SNX29: variants seen among roughly 807,000 people sequenced by gnomAD.
The protein encoded by SNX29 is sorting nexin-29.
Under a neutral mutation model 102.1 loss-of-function variants are expected in SNX29, and 78 were observed. That is an observed-to-expected ratio of 0.76 (90% confidence interval 0.64 to 0.92). The LOEUF (loss-of-function observed/expected upper bound fraction) is 0.92. SNX29 is among the 40% of genes least tolerant of loss of function. The pLI, the probability that SNX29 is intolerant of heterozygous loss-of-function variation, is 0.00. For missense variants in SNX29, 1,280 were observed against 1,061.7 expected, an observed-to-expected ratio of 1.21 and a Z score of -2.86; for synonymous variants, 580 against 414.5, an observed-to-expected ratio of 1.40 and a Z score of -4.85.
intron 20 of SNX29, among the ~76,000 whole-genome samples, chr16:12,559,253 G>C (rs1478693458): frequency 6.6e-6 from 1 of 152,030 alleles, no homozygotes; most frequent in Non-Finnish European, 1.5e-5. Flanking sequence ...ATCACCGCCT[G>C]AGCTCTGCCT....
intron 14 of SNX29, among the ~76,000 whole-genome samples, chr16:12,247,420 T>A (rs538809449): frequency 1.3e-5 from 2 of 152,334 alleles, no homozygotes; most frequent in African/African-American, 4.8e-5. Context: ...TCCTCCTGTT[T>A]TTCCCTCAAA....
Position 12,572,788 on chromosome 16 carries a change from C to T in SNX29, c.*4159C>T, listed in dbSNP as rs994593409. ...CCGAGGAAGACCCCACCTCACTCCT[C>T]CTTCCCCAGTACATCAGACTGGTTA... On this transcript the variant is annotated 3_prime_UTR_variant, in exon 21 of 21. Transcript: ENST00000566228. The T allele has an allele frequency of 1.2e-5, 13 of 1,063,688 alleles. No individual in the cohort carries two copies. The highest frequency in any genetic ancestry group is 3.3e-5 in the African/African-American group (2 of 60,986). The allele number at this position is 1,063,688 out of a possible 1,614,324, so 65.9% of individuals were successfully genotyped here. A position where few individuals can be genotyped will look rare whatever the true frequency, so the allele number is the denominator to read the frequency against.
At chr16:12,192,608 C>T (rs1259695280) in intron 13 of SNX29, among the ~76,000 whole-genome samples, 3 of 152,202 alleles carry the variant, frequency 2.0e-5, no homozygotes, top group Non-Finnish European at 2.9e-5. Flanking sequence ...AACTCCTGTG[C>T]TCAAGTGATC....
chr16:12,540,428 A>T (rs186921188), intron 20 of SNX29, among the ~76,000 whole-genome samples: 52 of 152,350 alleles, frequency 3.4e-4, no homozygotes, highest in African/African-American at 1.2e-3. Context: ...TTTATTCTCC[A>T]GCTGCTGTGG....
intron 13 of SNX29, among the ~76,000 whole-genome samples, chr16:12,190,343 C>A (rs1407410156): frequency 6.6e-6 from 1 of 151,954 alleles, no homozygotes; most frequent in African/African-American, 2.4e-5. Flanking sequence ...AAAAATAAGA[C>A]ATGGCCACTG....
intron 13 of SNX29, among the ~76,000 whole-genome samples, chr16:12,166,551 T>C (rs959484637): frequency 6.6e-6 from 1 of 152,226 alleles, no homozygotes; most frequent in Non-Finnish European, 1.5e-5. Context: ...CTCAGTTCAC[T>C]TGGAGCTGAT....
chr16:12,005,372 T>G (rs2056419488), intron 3 of SNX29, among the ~76,000 whole-genome samples: 1 of 152,034 alleles, frequency 6.6e-6, no homozygotes, highest in African/African-American at 2.4e-5. Flanking sequence ...TGTGTATATG[T>G]GCATGAGTGT....
At chr16:12,545,580 C>T (rs1035441434) in intron 20 of SNX29, 3 of 152,152 alleles carry the variant, frequency 2.0e-5, no homozygotes, top group African/African-American at 7.2e-5. Context: ...ATGGAGGAAC[C>T]CATTTCCTCT....
At chr16:12,497,924 G>A (rs1419759849) in intron 19 of SNX29, among the ~76,000 whole-genome samples, 1 of 152,202 alleles carries the variant, frequency 6.6e-6, no homozygotes, top group Non-Finnish European at 1.5e-5. Context: ...GGATGGAGGG[G>A]TGGATAATTT....
At chr16:12,374,971 G>A (rs1198235147) in intron 16 of SNX29, 2 of 152,172 alleles carry the variant, frequency 1.3e-5, no homozygotes, top group East Asian at 1.9e-4. Flanking sequence ...GAAAAAAGAT[G>A]AATGGTGTAA....
At chr16:12,186,493 C>T (rs992186651) in intron 13 of SNX29, among the ~76,000 whole-genome samples, 2 of 152,188 alleles carry the variant, frequency 1.3e-5, no homozygotes, top group African/African-American at 4.8e-5. Context: ...CCTTACACGA[C>T]CGCAGTGTGA....
chr16:12,310,005 C>G (rs1010520390), intron 15 of SNX29, among the ~76,000 whole-genome samples: 1 of 151,618 alleles, frequency 6.6e-6, no homozygotes, highest in African/African-American at 2.4e-5. Context: ...TAAACACAGA[C>G]GTGTGCACGC....
intron 15 of SNX29, among the ~76,000 whole-genome samples, chr16:12,288,125 C>T (rs8057983): frequency 6.6e-6 from 1 of 152,172 alleles, no homozygotes; most frequent in Non-Finnish European, 1.5e-5. Flanking sequence ...AAGGTCAAGG[C>T]TGCAGTGAGC....
chr16:12,467,555 G>A (rs1269502746), intron 18 of SNX29, among the ~76,000 whole-genome samples: 2 of 152,148 alleles, frequency 1.3e-5, no homozygotes, highest in Non-Finnish European at 2.9e-5. Context: ...TCTCATGGAC[G>A]GGCAAATACA....
At chr16:12,036,418 T>A (rs531886775) in intron 4 of SNX29, among the ~76,000 whole-genome samples, 2 of 146,556 alleles carry the variant, frequency 1.4e-5, no homozygotes, top group African/African-American at 5.0e-5. Context: ...CACTGCCAGC[T>A]CCGCCTCCCG....
At chr16:12,411,298 C>T (rs1373353880) in intron 18 of SNX29, among the ~76,000 whole-genome samples, 2 of 152,122 alleles carry the variant, frequency 1.3e-5, no homozygotes, top group South Asian at 2.1e-4. Flanking sequence ...GTGTGGGCTC[C>T]TGTGTTGCAG....
intron 14 of SNX29, among the ~76,000 whole-genome samples, chr16:12,248,967 A>T (rs1312405372): frequency 6.6e-6 from 1 of 152,152 alleles, no homozygotes; most frequent in Non-Finnish European, 1.5e-5. Context: ...TGCTTGCATG[A>T]GTACCTGGGA....
chr16:12,333,699 G>C (rs1345482088), intron 15 of SNX29, among the ~76,000 whole-genome samples: 1 of 152,050 alleles, frequency 6.6e-6, no homozygotes, highest in African/African-American at 2.4e-5. Context: ...CTCCTGATAA[G>C]AATTTCTTCC....
chr16:12,138,560 A>G (rs1184007337), intron 13 of SNX29, among the ~76,000 whole-genome samples: 1 of 151,968 alleles, frequency 6.6e-6, no homozygotes, highest in Non-Finnish European at 1.5e-5. Flanking sequence ...TAAAAGAAAC[A>G]TGCTTTGGAG....
Sources: gnomAD v4.1 joint callset for allele counts (sites outside exome capture counted in the v4.1 genomes callset) on GRCh38, gnomAD v4.1.1 for gene constraint, MANE v1.5 for transcripts, NCBI Gene and HGNC (gene_info 2026-07-23, HGNC 2026-07-21) for gene names.